Variants in CPNE4 observed in about 807,000 individuals in gnomAD.
The protein encoded by CPNE4 is copine 4.
In CPNE4, 25 loss-of-function variants were observed where a neutral mutation model predicts 67.9. The ratio of observed to expected loss-of-function variants is 0.37; its 90% confidence interval spans 0.27 to 0.51. The LOEUF is 0.51. Ranked by LOEUF, CPNE4 falls within the 20% of genes least tolerant of loss-of-function variation. The pLI is 0.93. For synonymous variants in CPNE4, 242 were observed against 244.9 expected, an observed-to-expected ratio of 0.99 and a Z score of 0.11; for missense variants, 464 against 690.8, an observed-to-expected ratio of 0.67 and a Z score of 3.68.
intron 11 of CPNE4, among the ~76,000 whole-genome samples, chr3:131,559,938 A>G (rs930218806): frequency 4.2e-4 from 64 of 152,118 alleles, no homozygotes; most frequent in African/African-American, 1.5e-3. Context: ...ATATAAACTC[A>G]TGATGAAAAA....
In CPNE4 at chr3:131,542,545, G is replaced by T; in HGVS notation, c.1539+12C>A. On this transcript the variant is annotated intron_variant, in intron 15 of 15. Transcript: ENST00000429747. Reference sequence around the variant, plus strand: ...TCTTCCATGAAAAGTGCCCCAATGTGTATATGCATACGTGTTTGAAGTTCC... The same window carrying T: ...TCTTCCATGAAAAGTGCCCCAATGTTTATATGCATACGTGTTTGAAGTTCC... The T allele has an allele frequency of 6.3e-7, 1 of 1,581,088 alleles. No individual in the cohort carries two copies. The highest frequency in any genetic ancestry group is 8.7e-7 in the Non-Finnish European group (1 of 1,149,836).
chr3:131,803,837 G>A (rs1026175457), intron 2 of CPNE4, among the ~76,000 whole-genome samples: 11 of 152,288 alleles, frequency 7.2e-5, no homozygotes, highest in African/African-American at 2.6e-4. Flanking sequence ...ATTAAGCAGT[G>A]ATCAAAATGG....
rs150406731 is a variant in CPNE4 at position 131,598,679 on chromosome 3, C to T, written c.682-11097G>A. On this transcript the variant is annotated intron_variant, in intron 7 of 15. Coordinates refer to ENST00000429747, the MANE Select transcript of CPNE4 (RefSeq NM_130808.3). ...CACATCCTGGGCCCTTTTCACTATA[C>T]CACATAGCTTCATAGTTTACTTCTG... Among the ~76,000 whole-genome samples, 988 of 152,324 alleles carry T rather than the reference C, an allele frequency of 6.5e-3. 12 individuals carry two copies. Among genetic ancestry groups the T allele is most frequent in the African/African-American group, 0.023 (945 of 41,580 alleles).
chr3:131,624,982 A>C (rs1201224042), intron 7 of CPNE4, among the ~76,000 whole-genome samples: 8 of 152,214 alleles, frequency 5.3e-5, no homozygotes, highest in Admixed American at 5.2e-4. Context: ...CTATGCAAAC[A>C]GAGCTCTAGT....
chr3:131,743,831 C>G (rs9861214), intron 2 of CPNE4, among the ~76,000 whole-genome samples: 1 of 150,906 alleles, frequency 6.6e-6, no homozygotes, highest in Non-Finnish European at 1.5e-5. Flanking sequence ...GGCGTGGTAG[C>G]GGGCGCCTGT....
chr3:131,549,028 G>A (rs780104510), intron 14 of CPNE4, among the ~76,000 whole-genome samples: 9 of 152,188 alleles, frequency 5.9e-5, no homozygotes, highest in Non-Finnish European at 1.3e-4. Flanking sequence ...AGTACAAAGG[G>A]AAGTAGAAAA....
chr3:131,938,219 T>C (rs2071282461), intron 1 of CPNE4, among the ~76,000 whole-genome samples: 1 of 151,926 alleles, frequency 6.6e-6, no homozygotes, highest in Admixed American at 6.6e-5. Flanking sequence ...TAGCTGGGCA[T>C]GGTGGTGTGC....
At chr3:132,030,821 T>C (rs1395501239) in intron 1 of CPNE4, among the ~76,000 whole-genome samples, 1 of 152,232 alleles carries the variant, frequency 6.6e-6, no homozygotes, top group East Asian at 1.9e-4. Flanking sequence ...ATGTAGGCAC[T>C]AATATGTTTT....
chr3:131,589,950 A>G (rs1582853686), intron 7 of CPNE4, among the ~76,000 whole-genome samples: 1 of 152,344 alleles, frequency 6.6e-6, no homozygotes, highest in Middle Eastern at 3.4e-3. Context: ...GGACCAAGAC[A>G]TGAGAATTGA....
At chr3:131,597,376 G>A (rs2107717264) in intron 7 of CPNE4, among the ~76,000 whole-genome samples, 1 of 151,974 alleles carries the variant, frequency 6.6e-6, no homozygotes, top group East Asian at 1.9e-4. Flanking sequence ...TGGGTTGATG[G>A]GTGCAGCAAA....
intron 2 of CPNE4, among the ~76,000 whole-genome samples, chr3:131,756,723 G>A (rs1388119579): frequency 2.6e-5 from 4 of 152,148 alleles, no homozygotes; most frequent in Non-Finnish European, 4.4e-5. Context: ...TTGGAGGCCC[G>A]GGGTTGGTAG....
chr3:131,859,646 T>A (rs376471384), intron 2 of CPNE4, among the ~76,000 whole-genome samples: 3 of 152,110 alleles, frequency 2.0e-5, no homozygotes, highest in South Asian at 2.1e-4. Flanking sequence ...CATAAATAAT[T>A]TGCATTATAG....
intron 2 of CPNE4, among the ~76,000 whole-genome samples, chr3:131,778,482 T>G (rs1400972773): frequency 6.6e-6 from 1 of 152,132 alleles, no homozygotes; most frequent in Non-Finnish European, 1.5e-5. Flanking sequence ...GTGGGAATTA[T>G]CATCATTACC....
intron 1 of CPNE4, among the ~76,000 whole-genome samples, chr3:131,979,769 T>A (rs1398698197): frequency 6.9e-6 from 1 of 144,300 alleles, no homozygotes; most frequent in African/African-American, 2.4e-5. Context: ...CCTTTTTAAC[T>A]TGTATTTTTG....
At chr3:131,640,310 G>T (rs1344620589) in intron 7 of CPNE4, among the ~76,000 whole-genome samples, 1 of 152,086 alleles carries the variant, frequency 6.6e-6, no homozygotes, top group Admixed American at 6.6e-5. Flanking sequence ...ATTTGGCAAA[G>T]TTTCAGGACA....
chr3:131,615,925 ACACG>A (rs1232740007), intron 7 of CPNE4, among the ~76,000 whole-genome samples: 15 of 88,828 alleles, frequency 1.7e-4, no homozygotes, highest in African/African-American at 8.4e-4. Flanking sequence ...ACACACACAC[ACACG>A]CACACACACA....
chr3:131,762,716 T>G (rs2082918703), intron 2 of CPNE4, among the ~76,000 whole-genome samples: 1 of 152,060 alleles, frequency 6.6e-6, no homozygotes, highest in Non-Finnish European at 1.5e-5. Context: ...TATGTAAAAT[T>G]TCACTGCTTT....
chr3:131,720,309 C>T lies in CPNE4; in HGVS notation c.360+3137G>A, dbSNP rs147455369. 1.4e-3 allele frequency among the ~76,000 whole-genome samples: 174 copies of T among 126,956 alleles called. No homozygotes were observed. In the Middle Eastern group the frequency reaches 0.015, roughly 11 times the overall value. The allele number at this position is 126,956 out of a possible 152,430, so 83.3% of individuals were successfully genotyped here. A position where few individuals can be genotyped will look rare whatever the true frequency, so the allele number is the denominator to read the frequency against. On this transcript the variant is annotated intron_variant, in intron 3 of 15. Transcript: ENST00000429747. ...GTTTTTTTTTTTTTTTTTTTTGAGA[C>T]GGAGTCTCACTGTCACCCAGGCTGG...
chr3:131,914,738 A>T (rs919965896), intron 1 of CPNE4, among the ~76,000 whole-genome samples: 3 of 152,194 alleles, frequency 2.0e-5, no homozygotes, highest in Non-Finnish European at 4.4e-5. Flanking sequence ...GCACTGTGGG[A>T]GGCCAAGGTG....
Sources: gnomAD v4.1 joint callset for allele counts (sites outside exome capture counted in the v4.1 genomes callset) on GRCh38, gnomAD v4.1.1 for gene constraint, MANE v1.5 for transcripts, NCBI Gene and HGNC (gene_info 2026-07-23, HGNC 2026-07-21) for gene names.